USP10: variants seen among roughly 807,000 people sequenced by gnomAD.
USP10 encodes the protein ubiquitin specific peptidase 10.
A neutral mutation model predicts 84.5 loss-of-function variants in USP10; 22 were observed. The ratio of observed to expected loss-of-function variants is 0.26; its 90% CI spans 0.19 to 0.37. The LOEUF (loss-of-function observed/expected upper bound fraction) is 0.37, where lower values mean the gene tolerates loss of function less well. USP10 is among the 10% of genes least tolerant of loss of function. The pLI is 1.00. For missense variants in USP10, 1,019 were observed against 998.9 expected, an observed-to-expected ratio of 1.02 and a Z score of -0.27; for synonymous variants, 454 against 387.6, an observed-to-expected ratio of 1.17 and a Z score of -2.01.
chr16:84,769,155 T>C (rs950051187), intron 11 of USP10, among the ~76,000 whole-genome samples: 2 of 152,188 alleles, frequency 1.3e-5, no homozygotes, highest in Admixed American at 6.5e-5. Context: ...TGCAAAGCGA[T>C]ATTTGAATAA....
At chr16:84,733,539 A>G (rs554505481) in intron 2 of USP10, 36 bp downstream of exon 2, 16 of 1,397,806 alleles carry the variant, frequency 1.1e-5, no homozygotes, top group Non-Finnish European at 1.6e-5. Context: ...GTCCGTGGGT[A>G]GATACAATTA....
At chr16:84,777,836 T>A (rs943269848) in intron 13 of USP10, among the ~76,000 whole-genome samples, 1 of 152,206 alleles carries the variant, frequency 6.6e-6, no homozygotes, top group African/African-American at 2.4e-5. Flanking sequence ...CCTGGTTCCT[T>A]TTCTTTTGTG....
In USP10 at chr16:84,779,016, G is replaced by C. The variant is rs1325308204; in HGVS notation, c.2331G>C (p.Gln777His). 1 of 1,613,918 alleles carries C rather than the reference G, an allele frequency of 6.2e-7. No individual in the cohort carries two copies. Among genetic ancestry groups the C allele is most frequent in the Non-Finnish European group, 8.5e-7 (1 of 1,179,922 alleles). ...CAGTCAAGGTGATCAACCAGTACCA[G>C]GTGGTGAAACCAACTGCTGAACGCA... ...DQTVKVINQY[Q>H]VVKPTAERTA... The change falls in exon 14 of 14, where the codon CAG becomes CAC. Residue 777 changes from glutamine to histidine, a missense_variant. Physicochemically the swap from Gln to His is conservative, Grantham distance 24. Coordinates refer to ENST00000219473, the MANE Select transcript of USP10 (RefSeq NM_005153.3).
intron 1 of USP10, among the ~76,000 whole-genome samples, chr16:84,711,918 C>G (rs1331334509): frequency 1.3e-5 from 2 of 151,956 alleles, no homozygotes; most frequent in African/African-American, 2.4e-5. Flanking sequence ...CGGGGTTTCA[C>G]CATGTTGGCC....
intron 2 of USP10, among the ~76,000 whole-genome samples, chr16:84,735,675 C>A (rs1465946403): frequency 1.3e-5 from 2 of 152,078 alleles, no homozygotes; most frequent in Non-Finnish European, 2.9e-5. Context: ...TATGCCAAAC[C>A]TTTTATTCAC....
At chr16:84,768,411 G>A in intron 11 of USP10, 53 bp downstream of exon 11, 1 of 1,444,328 alleles carries the variant, frequency 6.9e-7, no homozygotes, top group South Asian at 1.6e-5. Flanking sequence ...TGGTTTGGTG[G>A]AAAGAACACA....
At position 84,759,450 on chromosome 16, in the gene USP10, T is replaced by C; in HGVS notation, c.1372T>C (p.Ser458Pro). 1 of 1,614,024 alleles carries C rather than the reference T, an allele frequency of 6.2e-7. No individual in the cohort carries two copies. The highest frequency in any genetic ancestry group is 8.5e-7 in the Non-Finnish European group (1 of 1,179,878). Reference protein sequence around the residue: ...LYSKVQRPCTSTPMIDSFVRL... With the variant: ...LYSKVQRPCTPTPMIDSFVRL... ...TTCCAAAGTGCAAAGGCCTTGTACG[T>C]CAACACCCATGATAGACAGCTTGTA... Residue 458 changes from serine (S) to proline (P), a missense_variant, in exon 6 of 14, where the codon TCA (serine) becomes CCA (proline). By Grantham distance (74) the Ser-to-Pro change is moderately conservative (BLOSUM62 -1). This residue lies in a region of USP10 where 787 missense variants were observed against 708.8 expected (regional missense o/e 1.11). Transcript: ENST00000219473.
In USP10 at chr16:84,734,106, C is replaced by G. The variant is rs1427911718; in HGVS notation, c.90+603C>G. On this transcript the variant is annotated intron_variant, in intron 2 of 13. Transcript: ENST00000219473. ...TGTATTTTATCATGTCTCCTGGTGC[C>G]CCTCTGTGGGCTCCTCCGGGACACA... Among the ~76,000 whole-genome samples, 3 of 152,228 alleles carry G rather than the reference C, an allele frequency of 2.0e-5. No homozygotes were observed. In the South Asian group the frequency reaches 6.2e-4, roughly 32 times the overall value.
intron 1 of USP10, among the ~76,000 whole-genome samples, chr16:84,724,466 G>T (rs1908199904): frequency 6.6e-6 from 1 of 152,132 alleles, no homozygotes; most frequent in African/African-American, 2.4e-5. Flanking sequence ...ACACTCAATT[G>T]CAGTACTTTG....
chr16:84,767,329 TAGAAAA>T (rs1416370984), intron 10 of USP10, among the ~76,000 whole-genome samples: 2 of 150,636 alleles, frequency 1.3e-5, no homozygotes, highest in Non-Finnish European at 3.0e-5. Context: ...CAGAAAAACT[TAGAAAA>T]AGGAAAAAAA....
chr16:84,754,884 T>C (rs539038398), intron 4 of USP10, among the ~76,000 whole-genome samples: 4 of 152,070 alleles, frequency 2.6e-5, no homozygotes, highest in Admixed American at 2.0e-4. Context: ...CTCACACCTG[T>C]AATCCCAGCA....
chr16:84,704,754 T>C, intron 1 of USP10: 1 of 1,533,754 alleles, frequency 6.5e-7, no homozygotes, highest in Middle Eastern at 1.7e-4. Flanking sequence ...TGGGCCATGA[T>C]CCCATTTTCA....
chr16:84,747,629 T>C (rs1911396462), intron 4 of USP10, among the ~76,000 whole-genome samples: 1 of 138,786 alleles, frequency 7.2e-6, no homozygotes, highest in African/African-American at 2.6e-5. Flanking sequence ...GGAGGCACGA[T>C]CTTGGCTCAC....
intron 1 of USP10, chr16:84,716,433 ATCTTTAT>A (rs1484745431): frequency 6.6e-6 from 1 of 152,100 alleles, no homozygotes; most frequent in Non-Finnish European, 1.5e-5. Flanking sequence ...CATTCAGCAA[ATCTTTAT>A]TAGATTCTCA....
intron 4 of USP10, among the ~76,000 whole-genome samples, chr16:84,747,750 A>G (rs1302205805): frequency 6.6e-6 from 1 of 151,762 alleles, no homozygotes; most frequent in Non-Finnish European, 1.5e-5. Flanking sequence ...TATTTTTAGT[A>G]GAAATGGGGT....
intron 11 of USP10, among the ~76,000 whole-genome samples, chr16:84,771,507 C>T (rs1388358858): frequency 6.6e-6 from 1 of 152,032 alleles, no homozygotes; most frequent in Non-Finnish European, 1.5e-5. Flanking sequence ...AAAAAACAAA[C>T]AAACAAAAAA....
At chr16:84,773,615 C>T (rs981673542) in intron 12 of USP10, among the ~76,000 whole-genome samples, 12 of 152,180 alleles carry the variant, frequency 7.9e-5, no homozygotes, top group Non-Finnish European at 1.8e-4. Flanking sequence ...GCTGCTGTGC[C>T]GGGTTTAGTG....
Position 84,759,388 on chromosome 16 carries a change from C to T in USP10, c.1310C>T (p.Pro437Leu). The change falls in exon 6 of 14, where the codon CCG (proline) becomes CTG (leucine). Residue 437 changes from proline (P) to leucine (L), a missense_variant. By Grantham distance (98) the Pro-to-Leu change is moderately conservative (BLOSUM62 -3). Around this residue, in one of 2 missense-constraint regions of USP10, gnomAD observed 787 missense variants for 708.8 expected, o/e 1.11. Transcript: ENST00000219473. ...ACACTGCAGGCATTGGTTGCTTGCC[C>T]GCCGATGTACCACCTGATGAAGTTC... is the stretch of plus-strand genomic sequence containing the variant. ...NATLQALVAC[P>L]PMYHLMKFIP... 1 of 1,613,956 alleles carries T rather than the reference C, an allele frequency of 6.2e-7. No individual in the cohort carries two copies. Among genetic ancestry groups the T allele is most frequent in the Non-Finnish European group, 8.5e-7 (1 of 1,179,902 alleles).
rs368059810 is a variant in USP10, at chr16:84,701,530, A to G, written c.21+1419A>G. Among the ~76,000 whole-genome samples, 20 of 152,356 alleles carry G rather than the reference A, an allele frequency of 1.3e-4. 2 individuals carry two copies. The highest frequency in any genetic ancestry group is 4.8e-4 in the African/African-American group (20 of 41,578). ...TTCTCAACTTAAATCCTAATTAACT[A>G]GCTTATTAGAATTGGTATGAACAAG... On this transcript the variant is annotated intron_variant, in intron 1 of 13. Transcript: ENST00000219473.
Sources: allele counts gnomAD v4.1 joint callset (sites outside exome capture counted in the v4.1 genomes callset), GRCh38; gene constraint gnomAD v4.1.1; regional missense constraint gnomAD v4.1.1; transcripts MANE v1.5; gene names NCBI Gene and HGNC (gene_info 2026-07-23, HGNC 2026-07-21).